The following IGSF10 variants were observed in gnomAD, a reference collection of about 807,000 sequenced individuals.
The protein encoded by IGSF10 is calvaria mechanical force protein 608.
In IGSF10, 126 loss-of-function variants were observed where a neutral mutation model predicts 128.2. The ratio of observed to expected loss-of-function variants is 0.98; its 90% CI spans 0.85 to 1.14. The LOEUF (loss-of-function observed/expected upper bound fraction) is 1.14. Ranked by LOEUF, IGSF10 falls within the 50% of genes most tolerant of loss-of-function variation. IGSF10 has a pLI of 0.00. For missense variants in IGSF10, 3,295 were observed against 3,149.8 expected (o/e 1.05, Z -1.10); for synonymous variants, 1,185 against 1,146.2 (o/e 1.03, Z -0.68).
In IGSF10 at chr3:151,446,996, C is replaced by T. The variant is rs910656662; in HGVS notation, c.2985G>A (p.Pro995=). The change falls in exon 6 of 8, where the codon CCG becomes CCA. Residue 995 remains proline, a synonymous_variant. Transcript: ENST00000282466. The stretch of plus-strand genomic sequence containing the variant: ...TGTTAACTGTACTATTTCTAGGGAT[C>T]GGAAACTGAGAATGAGCAGCTGTGT... ...DPHTAAHSQF[P]IPRNSTVNIP... The T allele has an allele frequency of 9.9e-6, 16 of 1,613,964 alleles. No homozygotes were observed. The highest frequency in any genetic ancestry group is 5.0e-5 in the Admixed American group (3 of 59,966).
the IGSF10 span, among the ~76,000 whole-genome samples, chr3:151,537,087 T>C: frequency 6.6e-6 from 1 of 152,162 alleles, no homozygotes; most frequent in East Asian, 1.9e-4. Context: ...GGATTTAATA[T>C]GGGGGGACTG....
At chr3:151,614,222 G>A in the IGSF10 span, among the ~76,000 whole-genome samples, 4 of 152,190 alleles carry the variant, frequency 2.6e-5, no homozygotes, top group Non-Finnish European at 5.9e-5. Context: ...CACTGTTGGT[G>A]GGACTGTAAC....
chr3:151,505,013 C>T, the IGSF10 span, among the ~76,000 whole-genome samples: 1 of 152,142 alleles, frequency 6.6e-6, no homozygotes, highest in African/African-American at 2.4e-5. Context: ...TCTTCTGAGC[C>T]CTCCAAACTG....
the IGSF10 span, among the ~76,000 whole-genome samples, chr3:151,599,292 G>A: frequency 1.3e-5 from 2 of 152,124 alleles, no homozygotes; most frequent in Non-Finnish European, 2.9e-5. Context: ...AGGAGGGAAA[G>A]GAGGCTGAGG....
At position 151,447,497 on chromosome 3, in the gene IGSF10, T is replaced by C. The variant is rs1721265653; in HGVS notation, c.2484A>G (p.Ile828Met). The C allele has an allele frequency of 6.2e-7, 1 of 1,613,974 alleles. No homozygotes were observed. Among genetic ancestry groups the C allele is most frequent in the African/African-American group, 1.3e-5 (1 of 74,894 alleles). ...ARTVTADSRT[I>M]SDSPMTNINY... ...TTATGTTTGTCATAGGACTATCAGA[T>C]ATTGTTCTGGAGTCAGCAGTCACTG... Residue 828 changes from isoleucine to methionine, a missense_variant, in exon 6 of 8, where the codon ATA becomes ATG. Ile to Met is a conservative substitution (Grantham distance 10). Transcript: ENST00000282466.
the IGSF10 span, among the ~76,000 whole-genome samples, chr3:151,539,287 G>A: frequency 6.6e-6 from 1 of 152,166 alleles, no homozygotes; most frequent in Admixed American, 6.5e-5. Context: ...AAGACCAGAT[G>A]CAGACGTGAA....
the IGSF10 span, among the ~76,000 whole-genome samples, chr3:151,558,679 C>T: frequency 6.6e-6 from 1 of 151,970 alleles, no homozygotes; most frequent in South Asian, 2.1e-4. Flanking sequence ...TTTCCTACTA[C>T]TTGATGCAGA....
At chr3:151,551,662 T>TACAC in the IGSF10 span, among the ~76,000 whole-genome samples, 971 of 145,478 alleles carry the variant, frequency 6.7e-3, 6 homozygotes, top group African/African-American at 0.02. Flanking sequence ...ACATGGGCAT[T>TACAC]ACACACACAC....
chr3:151,521,278 C>T, the IGSF10 span, among the ~76,000 whole-genome samples: 2 of 152,018 alleles, frequency 1.3e-5, no homozygotes, highest in South Asian at 2.1e-4. Context: ...TAGTGGGAGA[C>T]TTCTATACTC....
At chr3:151,504,270 G>A in the IGSF10 span, among the ~76,000 whole-genome samples, 1 of 152,160 alleles carries the variant, frequency 6.6e-6, no homozygotes, top group Non-Finnish European at 1.5e-5. Flanking sequence ...GGTTAGGTTA[G>A]GTCTTTTAAT....
the IGSF10 span, among the ~76,000 whole-genome samples, chr3:151,482,909 T>G: frequency 1.9e-3 from 9 of 4,640 alleles, no homozygotes; most frequent in East Asian, 0.011. Context: ...GTTTTTTTGT[T>G]TTTTTTTTTA....
the IGSF10 span, among the ~76,000 whole-genome samples, chr3:151,530,918 G>T: frequency 1.3e-5 from 2 of 150,444 alleles, no homozygotes; most frequent in African/African-American, 4.9e-5. Context: ...ACACAGACTG[G>T]TCTGCATGCT....
intron 5 of IGSF10, among the ~76,000 whole-genome samples, chr3:151,451,943 C>T (rs1387870666): frequency 6.6e-6 from 1 of 152,034 alleles, no homozygotes; most frequent in Admixed American, 6.6e-5. Context: ...TAGAAGATAC[C>T]CACAAGTAGA....
chr3:151,611,021 C>T, the IGSF10 span, among the ~76,000 whole-genome samples: 1 of 152,142 alleles, frequency 6.6e-6, no homozygotes, highest in African/African-American at 2.4e-5. Context: ...GTTTGACAGG[C>T]CTTAGGCTGT....
At chr3:151,571,054 G>T in the IGSF10 span, among the ~76,000 whole-genome samples, 12 of 152,262 alleles carry the variant, frequency 7.9e-5, no homozygotes, top group African/African-American at 2.6e-4. Context: ...TAGATGTGTG[G>T]TGTTATTTCT....
Position 151,446,652 on chromosome 3 carries a change from A to G in IGSF10, c.3329T>C (p.Leu1110Pro). 6.2e-7 allele frequency: 1 copy of G among 1,614,052 alleles called. No individual in the cohort carries two copies. The highest frequency in any genetic ancestry group is 2.2e-5 in the East Asian group (1 of 44,888). The change falls in exon 6 of 8, where the codon CTA becomes CCA. Residue 1110 changes from leucine (L) to proline (P), a missense_variant. Physicochemically the swap from Leu to Pro is moderately conservative, Grantham distance 98. Transcript: ENST00000282466. ...ACTGGGTTTGTTCTCAAGTAGTAAT[A>G]GTGGATTCTGGACTAGAGTTGTAGA... is the stretch of plus-strand genomic sequence containing the variant. ...EESTTLVQNP[L>P]LLLENKPSVE... is the part of the protein sequence containing the mutation.
chr3:151,595,257 C>G, the IGSF10 span, among the ~76,000 whole-genome samples: 1 of 151,998 alleles, frequency 6.6e-6, no homozygotes, highest in African/African-American at 2.4e-5. Context: ...AGTAATCCCC[C>G]TCTTCTGGGT....
chr3:151,559,084 T>C, the IGSF10 span, among the ~76,000 whole-genome samples: 1 of 152,162 alleles, frequency 6.6e-6, no homozygotes, highest in Non-Finnish European at 1.5e-5. Context: ...ATTTAGATGA[T>C]TTAACTTCCA....
chr3:151,499,107 C>T, the IGSF10 span, among the ~76,000 whole-genome samples: 1 of 152,086 alleles, frequency 6.6e-6, no homozygotes, highest in Non-Finnish European at 1.5e-5. Context: ...GATAATTAAA[C>T]ACTTGTTCAA....
Sources: gnomAD v4.1 joint callset for allele counts (sites outside exome capture counted in the v4.1 genomes callset) on GRCh38, gnomAD v4.1.1 for gene constraint, MANE v1.5 for transcripts, NCBI Gene and HGNC (gene_info 2026-07-23, HGNC 2026-07-21) for gene names.